Variants in RPS6KA5 observed in about 807,000 individuals in gnomAD.
The protein encoded by RPS6KA5 is ribosomal protein S6 kinase A5.
A neutral mutation model predicts 85.5 loss-of-function variants in RPS6KA5; 27 were observed. That is an observed-to-expected ratio of 0.32 (90% CI 0.23 to 0.44). The LOEUF (loss-of-function observed/expected upper bound fraction) is 0.44. RPS6KA5 is among the 20% of genes least tolerant of loss of function. The probability of loss-of-function intolerance (pLI) is 1.00; values close to 1 mark genes in which losing one functional copy is unlikely to be tolerated. For synonymous variants in RPS6KA5, 334 were observed against 348.2 expected, an observed-to-expected ratio of 0.96 and a Z score of 0.46; for missense variants, 811 against 980.9, an observed-to-expected ratio of 0.83 and a Z score of 2.31.
intron 2 of RPS6KA5, among the ~76,000 whole-genome samples, chr14:90,999,656 A>C (rs1256526359): frequency 6.6e-6 from 1 of 152,232 alleles, no homozygotes; most frequent in African/African-American, 2.4e-5. Context: ...TACACATGAC[A>C]AGAAGCTGCA....
At chr14:90,906,067 T>C in intron 8 of RPS6KA5, 82 bp downstream of exon 8, 2 of 1,306,718 alleles carry the variant, frequency 1.5e-6, no homozygotes, top group South Asian at 1.6e-5. Flanking sequence ...AAGGGGACTG[T>C]GTTCACTAAT....
Position 90,888,647 on chromosome 14 carries a change from T to A in RPS6KA5, c.1836+1840A>T, listed in dbSNP as rs540096467. Among the ~76,000 whole-genome samples the A allele has an allele frequency of 1.7e-3, 254 of 152,252 alleles. 1 individual carries two copies. Among genetic ancestry groups the A allele is most frequent in the African/African-American group, 5.6e-3 (233 of 41,562 alleles). On this transcript the variant is annotated intron_variant, in intron 14 of 16. Coordinates refer to ENST00000614987, the MANE Select transcript of RPS6KA5 (RefSeq NM_004755.4). ...GGAAAACAACTGACACTAAAATAAA[T>A]TCCAGACTTAAGTGTAAGAACAAAA...
At position 91,060,570 on chromosome 14, in the gene RPS6KA5, G is replaced by A. The variant is rs1348972507; in HGVS notation, c.-136C>T. The A allele has an allele frequency of 1.1e-5, 12 of 1,132,976 alleles. No homozygotes were observed. The highest frequency in any genetic ancestry group is 1.3e-5 in the Non-Finnish European group (12 of 894,060). 70.2% of individuals were successfully genotyped at this position (1,132,976 alleles called of 1,614,324 possible). A position where few individuals can be genotyped will look rare whatever the true frequency, so the allele number is the denominator to read the frequency against. ...CTCCAGAACTCGGACGCAAAGACGA[G>A]TCTCTTTCCCGCTCTGGCCGCACGG... On this transcript the variant is annotated 5_prime_UTR_variant, in exon 1 of 17. Transcript: ENST00000614987.
intron 7 of RPS6KA5, among the ~76,000 whole-genome samples, chr14:90,910,675 C>T (rs2181057): frequency 1.6e-4 from 23 of 145,974 alleles, no homozygotes; most frequent in Admixed American, 1.4e-3. Context: ...TTATTATTAT[C>T]ATTATTATTA....
rs573956704 is a variant in RPS6KA5 at position 90,890,474 on chromosome 14, G to A, written c.1836+13C>T. On this transcript the variant is annotated intron_variant, in intron 14 of 16. Transcript: ENST00000614987. ...AATAAGCAGGTTTAATGACTGTATTGAAAAGAACTCACCAAAATGACGCCC... is the reference window on the plus strand; with the variant it reads ...AATAAGCAGGTTTAATGACTGTATTAAAAAGAACTCACCAAAATGACGCCC... 2 of 1,594,960 alleles carry A rather than the reference G, an allele frequency of 1.3e-6. No homozygotes were observed. The highest frequency in any genetic ancestry group is 1.8e-5 in the Admixed American group (1 of 56,162).
intron 3 of RPS6KA5, among the ~76,000 whole-genome samples, chr14:90,961,598 G>A (rs531361583): frequency 1.3e-5 from 2 of 151,976 alleles, no homozygotes; most frequent in East Asian, 3.9e-4. Context: ...GCTTTTTCCA[G>A]TTAAATTTTG....
intron 14 of RPS6KA5, among the ~76,000 whole-genome samples, chr14:90,884,455 A>T (rs1001869752): frequency 6.6e-6 from 1 of 152,226 alleles, no homozygotes; most frequent in Non-Finnish European, 1.5e-5. Context: ...ATCCAAAGAA[A>T]TCCGAAATCC....
intron 7 of RPS6KA5, among the ~76,000 whole-genome samples, chr14:90,911,854 AC>A (rs2035836158): frequency 6.6e-6 from 1 of 152,216 alleles, no homozygotes; most frequent in Admixed American, 6.5e-5. Flanking sequence ...CGTATCTTAA[AC>A]TATAATGAAC....
intron 13 of RPS6KA5, chr14:90,893,981 T>C (rs2034694867): frequency 1.2e-6 from 1 of 855,214 alleles, no homozygotes; most frequent in Admixed American, 6.2e-5. Flanking sequence ...GTATTTAGAA[T>C]AGAATTATAT....
chr14:90,881,000 A>C (rs2140160607), intron 14 of RPS6KA5, among the ~76,000 whole-genome samples: 1 of 151,938 alleles, frequency 6.6e-6, no homozygotes, highest in South Asian at 2.1e-4. Context: ...ACATCTGGTT[A>C]ATTTTTAAAT....
chr14:90,923,097 C>A lies in RPS6KA5; in HGVS notation c.702+16G>T. ...TTTATAGAAATACATAAAGAAGCAT[C>A]AAAAATAGAACATACCTTGTCATGT... On this transcript the variant is annotated intron_variant, in intron 6 of 16. Coordinates refer to ENST00000614987, the MANE Select transcript of RPS6KA5 (RefSeq NM_004755.4). The A allele has an allele frequency of 1.3e-6, 2 of 1,578,760 alleles. No homozygotes were observed. The highest frequency in any genetic ancestry group is 1.1e-5 in the South Asian group (1 of 89,742).
intron 1 of RPS6KA5, among the ~76,000 whole-genome samples, chr14:91,016,183 TA>T (rs1209179289): frequency 2.0e-5 from 3 of 152,182 alleles, no homozygotes; most frequent in African/African-American, 7.2e-5. Flanking sequence ...TGTTGTCATA[TA>T]AAAGTCAGAC....
At chr14:90,877,972 T>G (rs2033587337) in intron 14 of RPS6KA5, among the ~76,000 whole-genome samples, 1 of 152,240 alleles carries the variant, frequency 6.6e-6, no homozygotes, top group African/African-American at 2.4e-5. Context: ...TTAATAAGTT[T>G]GTCTCTTAAT....
chr14:90,917,376 C>T (rs757615725), intron 7 of RPS6KA5, among the ~76,000 whole-genome samples: 23 of 151,954 alleles, frequency 1.5e-4, no homozygotes, highest in Non-Finnish European at 2.4e-4. Flanking sequence ...GTACAATTGA[C>T]GTACAATAAA....
chr14:91,041,695 A>C (rs2042610325), intron 1 of RPS6KA5, among the ~76,000 whole-genome samples: 1 of 152,192 alleles, frequency 6.6e-6, no homozygotes, highest in South Asian at 2.1e-4. Flanking sequence ...TGGGCCTCAA[A>C]CCGTGTCTCT....
At chr14:90,945,183 T>C (rs1049967655) in intron 4 of RPS6KA5, among the ~76,000 whole-genome samples, 4 of 150,712 alleles carry the variant, frequency 2.7e-5, no homozygotes, top group African/African-American at 9.8e-5. Context: ...GTCAAGCAGG[T>C]TGAGGCTGCA....
At chr14:90,983,847 TTTTC>T (rs1566826345) in intron 2 of RPS6KA5, among the ~76,000 whole-genome samples, 14 of 128,286 alleles carry the variant, frequency 1.1e-4, no homozygotes, top group African/African-American at 4.6e-4. Flanking sequence ...CTCTTTCTTT[TTTTC>T]TTTCTTTCTT....
At chr14:91,032,393 T>C (rs2042218731) in intron 1 of RPS6KA5, among the ~76,000 whole-genome samples, 2 of 152,196 alleles carry the variant, frequency 1.3e-5, no homozygotes, top group Non-Finnish European at 2.9e-5. Flanking sequence ...TAAGCCACTG[T>C]AGTTGAGTTT....
rs1193397842 is a variant in RPS6KA5, at chr14:91,044,362, AGAGAAAGAAAGAAG to A, written c.103+15956_103+15969del. On this transcript the variant is annotated intron_variant, in intron 1 of 16. Transcript: ENST00000614987. ...GACAAAGAAAGAAAGAAAGAAAGAA[AGAGAAAGAAAGAAG>A]GAAAGAAAGAAAGAAGGAAAGAAAG... is the stretch of plus-strand genomic sequence containing the variant. 3.4e-3 allele frequency among the ~76,000 whole-genome samples: 56 copies of A among 16,714 alleles called. 4 individuals carry two copies. The highest frequency in any genetic ancestry group is 4.5e-3 in the East Asian group (2 of 446). The allele number at this position is 16,714 out of a possible 152,430, so 11.0% of individuals were successfully genotyped here.
Sources: gnomAD v4.1 joint callset for allele counts (sites outside exome capture counted in the v4.1 genomes callset) on GRCh38, gnomAD v4.1.1 for gene constraint, MANE v1.5 for transcripts, NCBI Gene and HGNC (gene_info 2026-07-23, HGNC 2026-07-21) for gene names.